The following EPHA5 variants were observed in gnomAD, a reference collection of about 807,000 sequenced individuals.
The protein encoded by EPHA5 is ephrin type-A receptor 5.
Under a neutral mutation model 105.0 loss-of-function variants are expected in EPHA5, and 60 were observed. The observed-to-expected ratio is 0.57, with a 90% confidence interval of 0.46 to 0.71. The LOEUF (loss-of-function observed/expected upper bound fraction) is 0.71, where lower values mean the gene tolerates loss of function less well. EPHA5 is among the 30% of genes least tolerant of loss of function. The pLI is 0.00. For missense variants in EPHA5, 1,218 were observed against 1,274.7 expected, an observed-to-expected ratio of 0.96 and a Z score of 0.68; for synonymous variants, 513 against 449.1, an observed-to-expected ratio of 1.14 and a Z score of -1.80.
intron 11 of EPHA5, among the ~76,000 whole-genome samples, chr4:65,354,378 G>A (rs1292514949): frequency 6.6e-6 from 1 of 151,638 alleles, no homozygotes; most frequent in African/African-American, 2.4e-5. Flanking sequence ...ATTGCTATAT[G>A]AGAAAATATC....
At position 65,567,424 on chromosome 4, in the gene EPHA5, A is replaced by G. The variant is rs116362759; in HGVS notation, c.910+34217T>C. ...GTACTGGTGACATATTGGTGTATGT[A>G]AGTTAATATCAATAACTTCAGAATT... On this transcript the variant is annotated intron_variant, in intron 3 of 16. Coordinates refer to ENST00000613740, the MANE Select transcript of EPHA5 (RefSeq NM_001281766.3). 5.7e-3 allele frequency among the ~76,000 whole-genome samples: 869 copies of G among 151,718 alleles called. 8 individuals are homozygous for G. The highest frequency in any genetic ancestry group is 0.02 in the African/African-American group (834 of 41,512).
intron 8 of EPHA5, among the ~76,000 whole-genome samples, chr4:65,375,282 C>CTT (rs933350045): frequency 1.8e-4 from 27 of 151,578 alleles, no homozygotes; most frequent in African/African-American, 6.3e-4. Flanking sequence ...GTGGCTAAAT[C>CTT]TTTTTTATTT....
chr4:65,396,143 G>A (rs1170587857), intron 8 of EPHA5, among the ~76,000 whole-genome samples: 1 of 152,196 alleles, frequency 6.6e-6, no homozygotes, highest in Non-Finnish European at 1.5e-5. Context: ...GCTGCTACTG[G>A]TGCCAGCTCT....
At chr4:65,444,508 T>C (rs1726328481) in intron 5 of EPHA5, among the ~76,000 whole-genome samples, 1 of 152,152 alleles carries the variant, frequency 6.6e-6, no homozygotes, top group Non-Finnish European at 1.5e-5. Flanking sequence ...ATCTTGTATA[T>C]ATACCTTGTC....
chr4:65,419,560 C>A (rs1384544532), intron 6 of EPHA5, among the ~76,000 whole-genome samples: 1 of 152,162 alleles, frequency 6.6e-6, no homozygotes, highest in Non-Finnish European at 1.5e-5. Flanking sequence ...CAACCCACTT[C>A]TCAAAGGCTG....
At position 65,348,218 on chromosome 4, in the gene EPHA5, G is replaced by T. The variant is rs551652100; in HGVS notation, c.2446-15C>A. 5.6e-6 allele frequency: 9 copies of T among 1,606,726 alleles called. No individual in the cohort carries two copies. Among genetic ancestry groups the T allele is most frequent in the South Asian group, 3.3e-5 (3 of 90,096 alleles). ...ATTTTTCCTCCCTAAAATTGAAAAAGATTTAAAAAACTTCCTACATACTTC... is the reference window on the plus strand; with the variant it reads ...ATTTTTCCTCCCTAAAATTGAAAAATATTTAAAAAACTTCCTACATACTTC... On this transcript the variant is annotated splice_polypyrimidine_tract_variant and intron_variant, in intron 13 of 16. Coordinates refer to ENST00000613740, the MANE Select transcript of EPHA5 (RefSeq NM_001281766.3).
chr4:65,365,701 T>C (rs1717836450), intron 10 of EPHA5, among the ~76,000 whole-genome samples: 1 of 113,982 alleles, frequency 8.8e-6, no homozygotes, highest in South Asian at 2.9e-4. Context: ...TGAAACATTA[T>C]CTATTTAAAA....
intron 3 of EPHA5, among the ~76,000 whole-genome samples, chr4:65,528,680 A>AT (rs1318421594): frequency 5.3e-5 from 8 of 152,052 alleles, no homozygotes; most frequent in South Asian, 2.1e-4. Context: ...GTTTCATGTT[A>AT]TTTTTTTTCC....
At chr4:65,650,982 A>T (rs1196653117) in intron 1 of EPHA5, among the ~76,000 whole-genome samples, 1 of 152,164 alleles carries the variant, frequency 6.6e-6, no homozygotes, top group African/African-American at 2.4e-5. Context: ...CCATTTCAGC[A>T]AAAATGAACT....
chr4:65,512,054 A>C (rs1733676968), intron 3 of EPHA5, among the ~76,000 whole-genome samples: 1 of 152,176 alleles, frequency 6.6e-6, no homozygotes, highest in African/African-American at 2.4e-5. Flanking sequence ...ATGTTTGATA[A>C]GTGCTATAAG....
intron 8 of EPHA5, among the ~76,000 whole-genome samples, chr4:65,382,861 T>C (rs1719695221): frequency 6.6e-6 from 1 of 151,668 alleles, no homozygotes; most frequent in African/African-American, 2.4e-5. Flanking sequence ...CTGATGTGTA[T>C]TATAATAGTT....
intron 1 of EPHA5, among the ~76,000 whole-genome samples, chr4:65,646,081 A>C (rs1002114519): frequency 6.6e-6 from 1 of 152,208 alleles, no homozygotes; most frequent in Admixed American, 6.5e-5. Flanking sequence ...ATTTTAAAAT[A>C]CATATCTTTC....
At chr4:65,593,767 G>A (rs575909372) in intron 3 of EPHA5, among the ~76,000 whole-genome samples, 2 of 152,298 alleles carry the variant, frequency 1.3e-5, no homozygotes, top group East Asian at 1.9e-4. Flanking sequence ...TTTGAGCTGA[G>A]GCCGGCATCA....
intron 3 of EPHA5, among the ~76,000 whole-genome samples, chr4:65,576,000 G>A (rs149697453): frequency 0.09 from 2,611 of 29,168 alleles, 446 homozygotes; most frequent in East Asian, 0.19. Flanking sequence ...GAGAGAGAGA[G>A]AGAAAGAAAG....
chr4:65,453,952 T>A lies in EPHA5; in HGVS notation c.1403-33387A>T, dbSNP rs192987110. Among the ~76,000 whole-genome samples the A allele has an allele frequency of 2.3e-5, 3 of 128,192 alleles. No homozygotes were observed. In the East Asian group the frequency reaches 7.3e-4, roughly 31 times the overall value. 84.1% of individuals were successfully genotyped at this position (128,192 alleles called of 152,430 possible). On this transcript the variant is annotated intron_variant, in intron 5 of 16. Transcript: ENST00000613740. ...CTTCTGAGAAGGCAAGAATTGAGTT[T>A]GCTGCAGACCCCTACGGATTTGCTG... is the stretch of plus-strand genomic sequence containing the variant.
intron 3 of EPHA5, 36 bp from the exon 4 acceptor site, chr4:65,495,579 G>A (rs771544476): frequency 7.0e-6 from 11 of 1,565,406 alleles, no homozygotes; most frequent in Non-Finnish European, 9.6e-6. Context: ...CTTTTCCCTG[G>A]AACAGATGCA....
chr4:65,626,341 G>A (rs1318385111), intron 2 of EPHA5, among the ~76,000 whole-genome samples: 2 of 152,072 alleles, frequency 1.3e-5, no homozygotes, highest in Non-Finnish European at 2.9e-5. Context: ...ACACATTGTA[G>A]AACACAAGAA....
At chr4:65,642,048 TTAA>T (rs1747718687) in intron 2 of EPHA5, among the ~76,000 whole-genome samples, 1 of 152,082 alleles carries the variant, frequency 6.6e-6, no homozygotes, top group African/African-American at 2.4e-5. Flanking sequence ...AGGCTCTATT[TTAA>T]TAATGTCTGA....
intron 3 of EPHA5, among the ~76,000 whole-genome samples, chr4:65,498,636 T>C (rs148682791): frequency 3.9e-4 from 59 of 151,972 alleles, no homozygotes; most frequent in African/African-American, 1.4e-3. Context: ...TTTAATGGGT[T>C]AGATGACTTA....
Sources: allele counts gnomAD v4.1 joint callset (sites outside exome capture counted in the v4.1 genomes callset), GRCh38; gene constraint gnomAD v4.1.1; transcripts MANE v1.5; gene names NCBI Gene and HGNC (gene_info 2026-07-23, HGNC 2026-07-21).